The following MBTD1 variants were observed in gnomAD, a reference collection of about 807,000 sequenced individuals.
The protein encoded by MBTD1 is mbt domain containing 1.
MBTD1 carries 24 observed loss-of-function variants against 87.8 expected under a neutral mutation model. The ratio of observed to expected loss-of-function variants is 0.27; its 90% confidence interval spans 0.20 to 0.38. The LOEUF (loss-of-function observed/expected upper bound fraction) is 0.38. MBTD1 is among the 10% of genes least tolerant of loss of function. MBTD1 has a pLI of 1.00. For synonymous variants in MBTD1, 237 were observed against 248.6 expected, an observed-to-expected ratio of 0.95 and a Z score of 0.44; for missense variants, 436 against 760.2, an observed-to-expected ratio of 0.57 and a Z score of 5.02.
At chr17:51,189,660 T>C (rs79273477) in intron 16 of MBTD1, among the ~76,000 whole-genome samples, 1 of 152,138 alleles carries the variant, frequency 6.6e-6, no homozygotes, top group African/African-American at 2.4e-5. Context: ...AGCCACTGAG[T>C]AATAAAAACC....
chr17:51,232,625 A>G (rs1195368966), intron 2 of MBTD1, among the ~76,000 whole-genome samples: 1 of 152,188 alleles, frequency 6.6e-6, no homozygotes, highest in Non-Finnish European at 1.5e-5. Context: ...ATGTCAAAAT[A>G]AGAGAACAGA....
chr17:51,193,602 G>A, intron 13 of MBTD1, 92 bp from the exon 14 acceptor site: 1 of 747,018 alleles, frequency 1.3e-6, no homozygotes, highest in Non-Finnish European at 2.4e-6. Context: ...AAAATCTTAA[G>A]AGCATAGGTT....
At chr17:51,214,331 T>A (rs1401000670) in intron 6 of MBTD1, among the ~76,000 whole-genome samples, 1 of 152,122 alleles carries the variant, frequency 6.6e-6, no homozygotes, top group African/African-American at 2.4e-5. Flanking sequence ...AAAAAAATTG[T>A]CCAATACTGT....
chr17:51,200,751 C>T (rs1222945303), intron 12 of MBTD1, among the ~76,000 whole-genome samples: 2 of 151,556 alleles, frequency 1.3e-5, no homozygotes, highest in East Asian at 3.9e-4. Flanking sequence ...GTAATCCCAG[C>T]TACTCAGGGG....
intron 2 of MBTD1, chr17:51,249,497 A>C (rs1309050892): frequency 6.6e-6 from 1 of 152,306 alleles, no homozygotes; most frequent in African/African-American, 2.4e-5. Context: ...TTAGCATTAT[A>C]AACTGTTCTC....
intron 3 of MBTD1, among the ~76,000 whole-genome samples, chr17:51,223,689 C>T (rs1360024126): frequency 6.6e-6 from 1 of 151,776 alleles, no homozygotes; most frequent in Non-Finnish European, 1.5e-5. Flanking sequence ...TATGAAAATA[C>T]GCCAGGCATG....
chr17:51,235,565 C>A (rs929239133), intron 2 of MBTD1, among the ~76,000 whole-genome samples: 2 of 152,178 alleles, frequency 1.3e-5, no homozygotes, highest in African/African-American at 2.4e-5. Context: ...TCAATAAATT[C>A]ACCGCATTAA....
intron 13 of MBTD1, 128 bp from the exon 14 acceptor site, chr17:51,193,638 G>A: frequency 1.6e-6 from 1 of 638,054 alleles, no homozygotes; most frequent in Non-Finnish European, 2.8e-6. Context: ...TTTTTTTTGA[G>A]ACAGGGTCTT....
intron 6 of MBTD1, among the ~76,000 whole-genome samples, chr17:51,210,924 G>A (rs1006406311): frequency 6.6e-6 from 1 of 151,720 alleles, no homozygotes; most frequent in African/African-American, 2.4e-5. Context: ...ATCACTTGAG[G>A]CCAGGAGTTC....
intron 7 of MBTD1, among the ~76,000 whole-genome samples, chr17:51,204,720 C>T (rs910971053): frequency 4.6e-5 from 7 of 152,002 alleles, no homozygotes; most frequent in Non-Finnish European, 1.0e-4. Context: ...AGGCTAGTCT[C>T]GAACTCTCAA....
chr17:51,203,558 C>T (rs1006899130), intron 8 of MBTD1, among the ~76,000 whole-genome samples: 7 of 152,228 alleles, frequency 4.6e-5, no homozygotes, highest in South Asian at 4.1e-4. Context: ...GCATGCACCA[C>T]CATGCCCAGC....
At chr17:51,256,997 T>C (rs1040474099) in intron 2 of MBTD1, among the ~76,000 whole-genome samples, 2 of 152,210 alleles carry the variant, frequency 1.3e-5, no homozygotes, top group Non-Finnish European at 2.9e-5. Context: ...TTTCACCTTT[T>C]ATTGTGGGTT....
chr17:51,229,067 C>G (rs1207956819), intron 2 of MBTD1, among the ~76,000 whole-genome samples: 1 of 151,906 alleles, frequency 6.6e-6, no homozygotes, highest in South Asian at 2.1e-4. Flanking sequence ...CAGTGTCTCA[C>G]GCCTGTAATC....
At position 51,179,486 on chromosome 17, in the gene MBTD1, A is replaced by ATATATATATATATATATTTT. The variant is rs2050205336; in HGVS notation, c.*1089_*1090insAAAATATATATATATATATA. ...CCTGAATACAATTAAAGACAATTTT[A>ATATATATATATATATATTTT]TATATATATATATATATATATATAT... On this transcript the variant is annotated 3_prime_UTR_variant, in exon 17 of 17. Coordinates refer to ENST00000586178, the MANE Select transcript of MBTD1 (RefSeq NM_017643.3). 1.3e-4 allele frequency: 2 copies of ATATATATATATATATATTTT among 15,016 alleles called. No homozygotes were observed. The highest frequency in any genetic ancestry group is 2.7e-4 in the Non-Finnish European group (2 of 7,318). The allele number at this position is 15,016 out of a possible 1,614,324, so 0.9% of individuals were successfully genotyped here. A position where few individuals can be genotyped will look rare whatever the true frequency, so the allele number is the denominator to read the frequency against.
intron 12 of MBTD1, among the ~76,000 whole-genome samples, chr17:51,197,876 A>G (rs1465888669): frequency 6.6e-6 from 1 of 151,886 alleles, no homozygotes; most frequent in Non-Finnish European, 1.5e-5. Flanking sequence ...CAATCTTCTC[A>G]TCTCTCTGAT....
intron 2 of MBTD1, among the ~76,000 whole-genome samples, chr17:51,244,762 T>C (rs1439556479): frequency 6.6e-6 from 1 of 152,146 alleles, no homozygotes; most frequent in Non-Finnish European, 1.5e-5. Context: ...CCTTACTTTC[T>C]TCCTTATCAA....
chr17:51,260,652 C>T (rs1306386095), upstream of MBTD1: 4 of 1,612,308 alleles, frequency 2.5e-6, no homozygotes, highest in African/African-American at 4.0e-5. Flanking sequence ...AAGCGGAAGC[C>T]CGGAATGAGG....
At chr17:51,235,396 C>T (rs1002332877) in intron 2 of MBTD1, among the ~76,000 whole-genome samples, 1 of 152,112 alleles carries the variant, frequency 6.6e-6, no homozygotes, top group Non-Finnish European at 1.5e-5. Flanking sequence ...CCTCAGCCTC[C>T]CAAAGTGCTG....
chr17:51,260,909 C>T, upstream of MBTD1: 1 of 1,589,302 alleles, frequency 6.3e-7, no homozygotes. Context: ...GTTGCTGCGG[C>T]GTCTGCGAGG....
Sources: gnomAD v4.1 joint callset for allele counts (sites outside exome capture counted in the v4.1 genomes callset) on GRCh38, gnomAD v4.1.1 for gene constraint, MANE v1.5 for transcripts, NCBI Gene and HGNC (gene_info 2026-07-23, HGNC 2026-07-21) for gene names.